Variants in GMDS observed in about 807,000 individuals in gnomAD.
GMDS encodes the protein GDP-mannose 4,6 dehydratase.
A neutral mutation model predicts 49.9 loss-of-function variants in GMDS; 20 were observed. That is an observed-to-expected ratio of 0.40 (90% CI 0.28 to 0.58). The LOEUF (loss-of-function observed/expected upper bound fraction) is 0.58. Ranked by LOEUF, GMDS falls within the 20% of genes least tolerant of loss-of-function variation. The pLI is 0.42. For synonymous variants in GMDS, 177 were observed against 178.6 expected, an observed-to-expected ratio of 0.99 and a Z score of 0.07; for missense variants, 362 against 481.4, an observed-to-expected ratio of 0.75 and a Z score of 2.32.
intron 9 of GMDS, among the ~76,000 whole-genome samples, chr6:1,707,127 C>T (rs936531617): frequency 3.9e-5 from 6 of 152,108 alleles, no homozygotes; most frequent in African/African-American, 1.2e-4. Context: ...AGTTTCAGTG[C>T]CTCTCAAATG....
chr6:2,078,828 G>C (rs746504281), intron 4 of GMDS, among the ~76,000 whole-genome samples: 8 of 151,904 alleles, frequency 5.3e-5, no homozygotes, highest in Non-Finnish European at 1.2e-4. Flanking sequence ...TTAACTTTCT[G>C]TCTAAATGAT....
intron 7 of GMDS, among the ~76,000 whole-genome samples, chr6:1,850,768 T>C (rs1171147856): frequency 6.6e-6 from 1 of 152,174 alleles, no homozygotes; most frequent in African/African-American, 2.4e-5. Flanking sequence ...CGTTATTGGA[T>C]CCAGACCTGC....
At chr6:1,871,919 T>A (rs1010529701) in intron 7 of GMDS, among the ~76,000 whole-genome samples, 6 of 152,254 alleles carry the variant, frequency 3.9e-5, no homozygotes, top group African/African-American at 1.4e-4. Context: ...AGCCCAGATG[T>A]GCTGGCACTA....
chr6:2,082,523 T>C (rs557507864), intron 4 of GMDS, among the ~76,000 whole-genome samples: 47 of 152,262 alleles, frequency 3.1e-4, no homozygotes, highest in Admixed American at 6.5e-4. Flanking sequence ...CAGCTCAACA[T>C]TGCTAAAAAC....
chr6:2,034,929 G>A (rs1362331349), intron 4 of GMDS, among the ~76,000 whole-genome samples: 2 of 152,104 alleles, frequency 1.3e-5, no homozygotes, highest in Non-Finnish European at 2.9e-5. Flanking sequence ...AGACCATGAG[G>A]AAGAAACCCA....
At chr6:2,071,283 T>G (rs1771979544) in intron 4 of GMDS, among the ~76,000 whole-genome samples, 1 of 152,218 alleles carries the variant, frequency 6.6e-6, no homozygotes, top group Non-Finnish European at 1.5e-5. Context: ...TCAGCTGTCT[T>G]TATTTTTCTT....
At chr6:1,646,845 A>G (rs559854379) in intron 9 of GMDS, among the ~76,000 whole-genome samples, 2 of 152,288 alleles carry the variant, frequency 1.3e-5, no homozygotes, top group South Asian at 4.1e-4. Context: ...AGAGGAATTC[A>G]TTGAATGCCT....
At chr6:1,832,787 A>G (rs1756723686) in intron 7 of GMDS, among the ~76,000 whole-genome samples, 1 of 152,250 alleles carries the variant, frequency 6.6e-6, no homozygotes, top group Non-Finnish European at 1.5e-5. Flanking sequence ...CCTATAAGGC[A>G]AAAGCGAACT....
chr6:2,228,765 G>A (rs1330831756), intron 1 of GMDS, among the ~76,000 whole-genome samples: 6 of 152,226 alleles, frequency 3.9e-5, no homozygotes, highest in African/African-American at 7.2e-5. Context: ...CAGTACAACT[G>A]TGTAGTGCTG....
chr6:1,941,703 G>A (rs1762831709), intron 6 of GMDS, among the ~76,000 whole-genome samples: 1 of 152,138 alleles, frequency 6.6e-6, no homozygotes. Context: ...GCATGCTGAG[G>A]GAAAGATCCT....
chr6:1,643,024 G>T (rs936541838), intron 9 of GMDS, among the ~76,000 whole-genome samples: 3 of 152,170 alleles, frequency 2.0e-5, no homozygotes, highest in Non-Finnish European at 4.4e-5. Flanking sequence ...CTGCTGACGA[G>T]GGGGGCATCC....
At chr6:1,938,466 CTTCCATGCTGACAGTATT>C (rs1363633830) in intron 6 of GMDS, among the ~76,000 whole-genome samples, 1 of 152,240 alleles carries the variant, frequency 6.6e-6, no homozygotes, top group African/African-American at 2.4e-5. Context: ...ATTATCTTCT[CTTCCATGCTGACAGTATT>C]TTCCCACTGT....
At chr6:1,786,901 G>A (rs1317102429) in intron 7 of GMDS, among the ~76,000 whole-genome samples, 1 of 151,934 alleles carries the variant, frequency 6.6e-6, no homozygotes, top group Non-Finnish European at 1.5e-5. Context: ...CAACGGAAGT[G>A]AGTGAGCTGA....
intron 4 of GMDS, among the ~76,000 whole-genome samples, chr6:2,006,784 T>C (rs920069202): frequency 6.6e-6 from 1 of 152,036 alleles, no homozygotes; most frequent in African/African-American, 2.4e-5. Flanking sequence ...CTTCACAACA[T>C]TCTGACCTTT....
At chr6:1,988,796 G>C (rs1407134253) in intron 4 of GMDS, among the ~76,000 whole-genome samples, 2 of 151,744 alleles carry the variant, frequency 1.3e-5, no homozygotes, top group South Asian at 2.1e-4. Flanking sequence ...TATTTTGAAT[G>C]TTTGTTAGCT....
At position 1,635,178 on chromosome 6, in the gene GMDS, C is replaced by G. The variant is rs1297012118; in HGVS notation, c.988-10638G>C. On this transcript the variant is annotated intron_variant, in intron 9 of 10. Transcript: ENST00000380815. The surrounding 1 kb of genome is among the most constrained non-coding windows in gnomAD (Gnocchi z 4.7). Reference sequence around the variant, plus strand: ...CTCTCATATCATTCCATGGAGCACGCCTTCTTGTTTTGATCCTGATTTGAG... The same window carrying G: ...CTCTCATATCATTCCATGGAGCACGGCTTCTTGTTTTGATCCTGATTTGAG... Among the ~76,000 whole-genome samples, 2 of 152,172 alleles carry G rather than the reference C, an allele frequency of 1.3e-5. No individual in the cohort carries two copies. Among genetic ancestry groups the G allele is most frequent in the East Asian group, 3.9e-4 (2 of 5,188 alleles).
intron 1 of GMDS, among the ~76,000 whole-genome samples, chr6:2,146,210 T>G (rs1310464128): frequency 6.6e-6 from 1 of 152,238 alleles, no homozygotes; most frequent in African/African-American, 2.4e-5. Context: ...TTGGTAGGAC[T>G]GTAAATTGGT....
intron 4 of GMDS, among the ~76,000 whole-genome samples, chr6:1,985,394 T>TA (rs777195067): frequency 9.9e-5 from 15 of 151,818 alleles, no homozygotes; most frequent in Non-Finnish European, 1.9e-4. Context: ...GATTTTTTTT[T>TA]AAAAAGAACA....
chr6:2,073,334 T>A (rs942846332), intron 4 of GMDS, among the ~76,000 whole-genome samples: 1 of 152,202 alleles, frequency 6.6e-6, no homozygotes, highest in Non-Finnish European at 1.5e-5. Context: ...AAAATGACAC[T>A]CTGTTTATAG....
Sources: allele counts gnomAD v4.1 joint callset (sites outside exome capture counted in the v4.1 genomes callset), GRCh38; gene constraint gnomAD v4.1.1; non-coding constraint Gnocchi (gnomAD v3.1); transcripts MANE v1.5; gene names NCBI Gene and HGNC (gene_info 2026-07-23, HGNC 2026-07-21).